The following ZNF562 variants were observed in gnomAD, a reference collection of about 807,000 sequenced individuals.
ZNF562 encodes the protein zinc finger protein 562.
Under a neutral mutation model 17.5 loss-of-function variants are expected in ZNF562, and 13 were observed. That is an observed-to-expected ratio of 0.74 (90% CI 0.48 to 1.18). The LOEUF (loss-of-function observed/expected upper bound fraction) is 1.18. Ranked by LOEUF, ZNF562 falls within the 50% of genes most tolerant of loss-of-function variation. The pLI is 0.00. For missense variants in ZNF562, 481 were observed against 498.5 expected (o/e 0.96, Z 0.33); for synonymous variants, 163 against 165.4 (o/e 0.99, Z 0.11).
intron 1 of ZNF562, among the ~76,000 whole-genome samples, chr19:9,661,450 C>A (rs1340871180): frequency 1.3e-5 from 2 of 152,156 alleles, no homozygotes; most frequent in African/African-American, 4.8e-5. Flanking sequence ...TCCCGAGTAG[C>A]TGGGATTACA....
chr19:9,655,020 C>G, intron 5 of ZNF562, among the ~76,000 whole-genome samples: 1 of 152,114 alleles, frequency 6.6e-6, no homozygotes, highest in East Asian at 1.9e-4. Flanking sequence ...GAGACAGGGT[C>G]TCACTCTGTC....
intron 1 of ZNF562, among the ~76,000 whole-genome samples, chr19:9,673,709 C>A (rs1209844514): frequency 6.6e-6 from 1 of 152,132 alleles, no homozygotes; most frequent in Non-Finnish European, 1.5e-5. Context: ...TATTTACATA[C>A]AAAAACGGGC....
chr19:9,657,401 A>C (rs1568266211), intron 4 of ZNF562, among the ~76,000 whole-genome samples: 1 of 151,264 alleles, frequency 6.6e-6, no homozygotes, highest in Non-Finnish European at 1.5e-5. Flanking sequence ...CAAAAAAAAA[A>C]AAACCAAAAA....
rs529377500 is a variant in ZNF562, at chr19:9,652,234, G to C, written c.*715C>G. On this transcript the variant is annotated 3_prime_UTR_variant, in exon 6 of 6. Transcript: ENST00000453372. Reference sequence around the variant, plus strand: ...GAGAAGACAGAACAGAACAGTCAAGGTTGTCACACTTCTTATTTTACAAGA... The same window carrying C: ...GAGAAGACAGAACAGAACAGTCAAGCTTGTCACACTTCTTATTTTACAAGA... The C allele has an allele frequency of 6.6e-6, 1 of 152,184 alleles. No individual in the cohort carries two copies. Among genetic ancestry groups the C allele is most frequent in the Non-Finnish European group, 1.5e-5 (1 of 68,052 alleles). The allele number at this position is 152,184 out of a possible 1,614,324, so 9.4% of individuals were successfully genotyped here.
In ZNF562 at chr19:9,656,603, G is replaced by A. The variant is rs151017672; in HGVS notation, c.292C>T (p.Arg98Trp). The change falls in exon 5 of 6, where the codon CGG (arginine) becomes TGG (tryptophan). Residue 98 changes from arginine (R) to tryptophan (W), a missense_variant. By Grantham distance (101) the Arg-to-Trp change is moderately radical (BLOSUM62 -3). This residue lies in a region of ZNF562 where 403 missense variants were observed against 386.4 expected (regional missense o/e 1.04). Transcript: ENST00000453372. Reference protein sequence around the residue: ...SEWEIQPRTKRSSLQQGFLKN... With the variant: ...SEWEIQPRTKWSSLQQGFLKN... The stretch of plus-strand genomic sequence containing the variant: ...AAAAAACCCTGCTGAAGTGATGACC[G>A]TTTGGTTCTAGGTTGTATTTCCCAT... 1.8e-3 allele frequency: 2,886 copies of A among 1,613,956 alleles called. 9 individuals carry two copies. Among genetic ancestry groups the A allele is most frequent in the Non-Finnish European group, 2.1e-3 (2,531 of 1,179,928 alleles).
Position 9,644,138 on chromosome 19 carries a change from G to A in ZNF562, c.*8811C>T, listed in dbSNP as rs2074791283. The A allele has an allele frequency of 6.6e-6, 1 of 151,958 alleles. No individual in the cohort carries two copies. The highest frequency in any genetic ancestry group is 1.5e-5 in the Non-Finnish European group (1 of 68,010). The allele number at this position is 151,958 out of a possible 1,614,324, so 9.4% of individuals were successfully genotyped here. On this transcript the variant is annotated 3_prime_UTR_variant, in exon 6 of 6. Transcript: ENST00000453372. ...CAATATTCATTACCAATATAATTCT[G>A]TAGTTTTTAATGACTGTACTGTTTT...
At position 9,672,473 on chromosome 19, in the gene ZNF562, G is replaced by A. The variant is rs1428417494; in HGVS notation, c.-131+2542C>T. 6.6e-5 allele frequency among the ~76,000 whole-genome samples: 10 copies of A among 152,186 alleles called. No homozygotes were observed. The South Asian group carries it at 1.9e-3, about 28-fold the overall frequency. The stretch of plus-strand genomic sequence containing the variant: ...AAGAAATAAAATGCTAAAAAATTAA[G>A]TAAATCTACTAGACTGGGTGTGTTA... On this transcript the variant is annotated intron_variant, in intron 1 of 5. Transcript: ENST00000453372.
intron 1 of ZNF562, among the ~76,000 whole-genome samples, chr19:9,671,434 C>T (rs138092415): frequency 8.5e-5 from 13 of 152,216 alleles, no homozygotes; most frequent in African/African-American, 2.9e-4. Context: ...CATGATTATG[C>T]CATTGCTCTC....
chr19:9,657,234 G>T (rs2043532316), intron 4 of ZNF562, among the ~76,000 whole-genome samples: 1 of 151,210 alleles, frequency 6.6e-6, no homozygotes, highest in Admixed American at 6.6e-5. Context: ...GAAAGATCAG[G>T]ATAAAGAGCA....
chr19:9,653,867 G>A lies in ZNF562; in HGVS notation c.363C>T (p.Tyr121=). 1.9e-6 allele frequency: 3 copies of A among 1,574,058 alleles called. No individual in the cohort carries two copies. The highest frequency in any genetic ancestry group is 1.9e-5 in the Admixed American group (1 of 53,586). ...FTGIQMQTRS[Y]SGWKLCENCG... Reference sequence around the variant, plus strand: ...AATTCTCACAGAGTTTCCATCCACTGTAGCTTCTTGTCTGCTGATGAGGGG... The same window carrying A: ...AATTCTCACAGAGTTTCCATCCACTATAGCTTCTTGTCTGCTGATGAGGGG... Residue 121 remains tyrosine, a synonymous_variant, in exon 6 of 6, where the codon TAC becomes TAT. Transcript: ENST00000453372.
intron 1 of ZNF562, among the ~76,000 whole-genome samples, chr19:9,671,475 CA>C (rs199843384): frequency 2.0e-5 from 3 of 151,600 alleles, no homozygotes; most frequent in Non-Finnish European, 2.9e-5. Flanking sequence ...GACTTTGTCT[CA>C]AAAAAAGAAA....
At chr19:9,669,685 A>C (rs10414720) in intron 1 of ZNF562, among the ~76,000 whole-genome samples, 24,241 of 149,438 alleles carry the variant, frequency 0.16, 2,218 homozygotes, top group Admixed American at 0.25. Context: ...CCTGTCTGAA[A>C]CTGGCAAGAC....
At chr19:9,667,635 C>T (rs556837525) in intron 1 of ZNF562, among the ~76,000 whole-genome samples, 1 of 152,176 alleles carries the variant, frequency 6.6e-6, no homozygotes, top group African/African-American at 2.4e-5. Flanking sequence ...CTCTGTTGCT[C>T]AGGCTAGAAT....
At position 9,650,084 on chromosome 19, in the gene ZNF562, G is replaced by C. The variant is rs1413603115; in HGVS notation, c.*2865C>G. ...CATAACCTCTTCAAAAAATAAAAAA[G>C]AAATAAAAGCCTACAGCCAAACCAA... On this transcript the variant is annotated 3_prime_UTR_variant, in exon 6 of 6. Transcript: ENST00000453372. 1 of 152,004 alleles carries C rather than the reference G, an allele frequency of 6.6e-6. No individual in the cohort carries two copies. Among genetic ancestry groups the C allele is most frequent in the African/African-American group, 2.4e-5 (1 of 41,394 alleles). 9.4% of individuals were successfully genotyped at this position (152,004 alleles called of 1,614,324 possible). A position where few individuals can be genotyped will look rare whatever the true frequency, so the allele number is the denominator to read the frequency against.
At chr19:9,658,430 A>G (rs1395500110) in intron 3 of ZNF562, 2 of 714,760 alleles carry the variant, frequency 2.8e-6, no homozygotes, top group Non-Finnish European at 3.4e-6. Flanking sequence ...GCTCACTGCA[A>G]CCTCCACCTC....
intron 1 of ZNF562, among the ~76,000 whole-genome samples, chr19:9,669,714 G>GCT (rs1337042955): frequency 4.4e-5 from 4 of 90,346 alleles, no homozygotes; most frequent in East Asian, 2.8e-4. Flanking sequence ...ATGCACGCGC[G>GCT]CGAGCGCGCG....
Position 9,645,608 on chromosome 19 carries a change from G to C in ZNF562, c.*7341C>G, listed in dbSNP as rs1339508602. 1.3e-5 allele frequency: 2 copies of C among 152,192 alleles called. No individual in the cohort carries two copies. Among genetic ancestry groups the C allele is most frequent in the Non-Finnish European group, 2.9e-5 (2 of 68,054 alleles). The allele number at this position is 152,192 out of a possible 1,614,324, so 9.4% of individuals were successfully genotyped here. ...GACTGGCTCACATAAAAAGGAGAGA[G>C]ATTGCACCTTCAGAGAGTAATCTCA... On this transcript the variant is annotated 3_prime_UTR_variant, in exon 6 of 6. Transcript: ENST00000453372.
rs1378211919 is a variant in ZNF562 at position 9,652,870 on chromosome 19, A to G, written c.*79T>C. The G allele has an allele frequency of 3.7e-6, 5 of 1,336,188 alleles. No homozygotes were observed. Among genetic ancestry groups the G allele is most frequent in the Non-Finnish European group, 5.0e-6 (5 of 1,002,974 alleles). 82.8% of individuals were successfully genotyped at this position (1,336,188 alleles called of 1,614,324 possible). ...GAGCAAATGCTTTCCCAAATTCTTT[A>G]CATACAAAAGGTTTCTCTCTGGTAG... is the stretch of plus-strand genomic sequence containing the variant. On this transcript the variant is annotated 3_prime_UTR_variant, in exon 6 of 6. Coordinates refer to ENST00000453372, the MANE Select transcript of ZNF562 (RefSeq NM_001130031.2).
At chr19:9,662,885 G>A (rs889941873) in intron 1 of ZNF562, among the ~76,000 whole-genome samples, 1 of 151,712 alleles carries the variant, frequency 6.6e-6, no homozygotes, top group African/African-American at 2.4e-5. Context: ...GCCACTCATG[G>A]ATGCTGTAGT....
Sources: allele counts gnomAD v4.1 joint callset (sites outside exome capture counted in the v4.1 genomes callset), GRCh38; gene constraint gnomAD v4.1.1; regional missense constraint gnomAD v4.1.1; transcripts MANE v1.5; gene names NCBI Gene and HGNC (gene_info 2026-07-23, HGNC 2026-07-21).